RGS12: variants seen among roughly 807,000 people sequenced by gnomAD.
The protein encoded by RGS12 is regulator of G protein signaling 12.
Under a neutral mutation model 120.1 loss-of-function variants are expected in RGS12, and 66 were observed. The observed-to-expected ratio is 0.55, with a 90% confidence interval of 0.45 to 0.67. The LOEUF (loss-of-function observed/expected upper bound fraction) is 0.67. Among genes scored for constraint, RGS12 ranks in the 30% least tolerant of loss-of-function variants. The pLI, the probability that RGS12 is intolerant of heterozygous loss-of-function variation, is 0.00. For missense variants in RGS12, 1,859 were observed against 1,957.7 expected (o/e 0.95, Z 0.95); for synonymous variants, 827 against 804.7 (o/e 1.03, Z -0.47).
At chr4:3,375,245 C>G (rs1279272263) in intron 3 of RGS12, among the ~76,000 whole-genome samples, 2 of 148,316 alleles carry the variant, frequency 1.3e-5, no homozygotes, top group African/African-American at 5.2e-5. Context: ...AGCCTCATCT[C>G]CAGCCCTCAT....
At position 3,343,027 on chromosome 4, in the gene RGS12, A is replaced by T. The variant is rs1354199401; in HGVS notation, c.1972A>T (p.Ile658Phe). The T allele has an allele frequency of 1.2e-6, 2 of 1,611,704 alleles. No individual in the cohort carries two copies. Among genetic ancestry groups the T allele is most frequent in the South Asian group, 2.2e-5 (2 of 91,036 alleles). The change falls in exon 3 of 18, where the codon ATC (isoleucine) becomes TTC (phenylalanine). Residue 658 changes from isoleucine to phenylalanine, a missense_variant. Ile to Phe is a conservative substitution (Grantham distance 21, BLOSUM62 0). Transcript: ENST00000336727. ...RSFGRSKRFS[I>F]TRSLDDLESA... ...ATTTGGGAGATCCAAGAGATTCAGT[A>T]TCACTCGCTCCCTTGATGATCTTGA...
At chr4:3,421,608 C>T (rs1723023451) in intron 10 of RGS12, among the ~76,000 whole-genome samples, 2 of 152,232 alleles carry the variant, frequency 1.3e-5, no homozygotes, top group Non-Finnish European at 2.9e-5. Context: ...TGGCCCTTGG[C>T]TGGGGAAGGA....
At position 3,390,209 on chromosome 4, in the gene RGS12, C is replaced by A. The variant is rs1437360930; in HGVS notation, c.2020+3772C>A. Among the ~76,000 whole-genome samples the A allele has an allele frequency of 6.6e-6, 1 of 152,174 alleles. No individual in the cohort carries two copies. The highest frequency in any genetic ancestry group is 1.5e-5 in the Non-Finnish European group (1 of 68,026). On this transcript the variant is annotated intron_variant, in intron 4 of 17. Transcript: ENST00000336727. The surrounding 1 kb of genome is among the most constrained non-coding windows in gnomAD (Gnocchi z 4.6). The stretch of plus-strand genomic sequence containing the variant: ...GCGGTTTCCCTCTTCCCTTCCTGAC[C>A]ACCTGCCCCCATCCTGAGCGATGGC...
chr4:3,388,282 A>G (rs1195030967), intron 4 of RGS12, among the ~76,000 whole-genome samples: 2 of 151,618 alleles, frequency 1.3e-5, no homozygotes, highest in Non-Finnish European at 2.9e-5. Context: ...AGTCATCAGC[A>G]CACCCTGAAT....
At chr4:3,411,529 C>G (rs1721731153) in intron 4 of RGS12, among the ~76,000 whole-genome samples, 1 of 152,270 alleles carries the variant, frequency 6.6e-6, no homozygotes, top group South Asian at 2.1e-4. Context: ...AGCTTTCACG[C>G]TCCACTTGTG....
chr4:3,309,564 G>A (rs1724206167), intron 1 of RGS12, among the ~76,000 whole-genome samples: 1 of 138,238 alleles, frequency 7.2e-6, no homozygotes, highest in African/African-American at 2.9e-5. Context: ...CCTGGGAATG[G>A]CAGGTGTCTG....
intron 4 of RGS12, among the ~76,000 whole-genome samples, chr4:3,402,832 AT>A (rs1168437339): frequency 6.6e-6 from 1 of 152,226 alleles, no homozygotes; most frequent in African/African-American, 2.4e-5. Flanking sequence ...TAAATGAGTA[AT>A]GTGAAGTTTT....
rs552440732 is a variant in RGS12 at position 3,424,686 on chromosome 4, G to A, written c.3235-778G>A. On this transcript the variant is annotated intron_variant, in intron 13 of 17. Coordinates refer to ENST00000336727, the MANE Select transcript of RGS12 (RefSeq NM_001394154.1). ...GCGGCCCTCGGCTGCCGAGGCTGTG[G>A]GGGCTATGGAGGATTCGTGTGGAAT... Among the ~76,000 whole-genome samples the A allele has an allele frequency of 1.1e-4, 16 of 152,360 alleles. 1 individual carries two copies. In the East Asian group the frequency reaches 2.5e-3, roughly 24 times the overall value.
intron 4 of RGS12, among the ~76,000 whole-genome samples, chr4:3,400,708 TTATTAG>T (rs1038204640): frequency 6.7e-6 from 1 of 148,998 alleles, no homozygotes; most frequent in African/African-American, 2.4e-5. Context: ...TACTAATTGC[TTATTAG>T]TATTAGTAAT....
chr4:3,304,358 A>G (rs923898995), intron 1 of RGS12, among the ~76,000 whole-genome samples: 3 of 152,208 alleles, frequency 2.0e-5, no homozygotes, highest in African/African-American at 4.8e-5. Context: ...TAGTATTCAG[A>G]TTCAGGAGAC....
In RGS12 at chr4:3,418,773, T is replaced by G. The variant is rs554613262; in HGVS notation, c.2761+1232T>G. 7 of 152,180 alleles carry G rather than the reference T, an allele frequency of 4.6e-5. No individual in the cohort carries two copies. The East Asian group carries it at 1.4e-3, about 29-fold the overall frequency. 9.4% of individuals were successfully genotyped at this position (152,180 alleles called of 1,614,324 possible). A position where few individuals can be genotyped will look rare whatever the true frequency, so the allele number is the denominator to read the frequency against. ...GAGGCCACCTGGGAGATGGACACTATGTTATTAGGTGGGGCCAGGCCTCCC... is the reference window on the plus strand; with the variant it reads ...GAGGCCACCTGGGAGATGGACACTAGGTTATTAGGTGGGGCCAGGCCTCCC... On this transcript the variant is annotated intron_variant, in intron 9 of 17. Coordinates refer to ENST00000336727, the MANE Select transcript of RGS12 (RefSeq NM_001394154.1).
rs547443242 is a variant in RGS12 at position 3,377,749 on chromosome 4, A to G, written c.1999-8667A>G. Reference sequence around the variant, plus strand: ...GGTGGCCCAGACAGACTGCCTGCAGAGGAGCAGTTGAGTCCTTGTCAGCTG... The same window carrying G: ...GGTGGCCCAGACAGACTGCCTGCAGGGGAGCAGTTGAGTCCTTGTCAGCTG... On this transcript the variant is annotated intron_variant, in intron 3 of 17. Transcript: ENST00000336727. Among the ~76,000 whole-genome samples, 72 of 152,366 alleles carry G rather than the reference A, an allele frequency of 4.7e-4. 1 individual carries two copies. The South Asian group carries it at 0.014, about 29-fold the overall frequency.
At chr4:3,329,335 G>A (rs1026271203) in intron 2 of RGS12, among the ~76,000 whole-genome samples, 1 of 152,190 alleles carries the variant, frequency 6.6e-6, no homozygotes, top group Non-Finnish European at 1.5e-5. Context: ...CCCATAGAAG[G>A]TGGGAGTGGG....
intron 4 of RGS12, among the ~76,000 whole-genome samples, chr4:3,398,269 A>C (rs1720242270): frequency 1.3e-5 from 2 of 152,252 alleles, no homozygotes; most frequent in South Asian, 4.1e-4. Flanking sequence ...CAAGAGAAAG[A>C]GCATCAGAGG....
chr4:3,388,555 A>G (rs1719105448), intron 4 of RGS12, among the ~76,000 whole-genome samples: 1 of 152,138 alleles, frequency 6.6e-6, no homozygotes, highest in South Asian at 2.1e-4. Context: ...CCTGGCTGAG[A>G]GGCCCCTCCA....
rs555802967 is a variant in RGS12, at chr4:3,430,319, G to C, written c.3566-88G>C. ...GCTGATAGGGTGTTAGGACAGCCCAGGATGAGAGCTTTCTAGAATGTTCTG... is the reference window on the plus strand; with the variant it reads ...GCTGATAGGGTGTTAGGACAGCCCACGATGAGAGCTTTCTAGAATGTTCTG... On this transcript the variant is annotated intron_variant, in intron 16 of 17. Coordinates refer to ENST00000336727, the MANE Select transcript of RGS12 (RefSeq NM_001394154.1). 40 of 1,249,848 alleles carry C rather than the reference G, an allele frequency of 3.2e-5. No individual in the cohort carries two copies. The African/African-American group carries it at 5.8e-4, about 18-fold the overall frequency. The allele number at this position is 1,249,848 out of a possible 1,614,324, so 77.4% of individuals were successfully genotyped here.
At chr4:3,297,379 T>G (rs989339845) in intron 1 of RGS12, among the ~76,000 whole-genome samples, 10 of 152,240 alleles carry the variant, frequency 6.6e-5, no homozygotes, top group African/African-American at 2.4e-4. Flanking sequence ...TGGTCTGTTT[T>G]CTCAGGCATT....
intron 2 of RGS12, chr4:3,342,397 C>T: frequency 8.0e-7 from 1 of 1,242,420 alleles, no homozygotes. Context: ...GGAGGAGAGA[C>T]AGGATGTTTT....
chr4:3,433,084 C>T lies in RGS12; in HGVS notation c.4114+2129C>T, dbSNP rs547035494. 1.6e-3 allele frequency among the ~76,000 whole-genome samples: 242 copies of T among 152,336 alleles called. 1 individual carries two copies. The highest frequency in any genetic ancestry group is 2.6e-3 in the Non-Finnish European group (176 of 68,026). On this transcript the variant is annotated intron_variant, in intron 17 of 17. Coordinates refer to ENST00000336727, the MANE Select transcript of RGS12 (RefSeq NM_001394154.1). This position sits in a 1 kb window ranked among gnomAD's most constrained non-coding sequence, Gnocchi z 4.4. The stretch of plus-strand genomic sequence containing the variant: ...GGCAAAGGAAACAGGCTGTGAATGC[C>T]GTGGTGGCCTGATGGAACCTCTTTC...
Sources: allele counts gnomAD v4.1 joint callset (sites outside exome capture counted in the v4.1 genomes callset), GRCh38; gene constraint gnomAD v4.1.1; non-coding constraint Gnocchi (gnomAD v3.1); transcripts MANE v1.5; gene names NCBI Gene and HGNC (gene_info 2026-07-23, HGNC 2026-07-21).